Variants in PCTP observed in about 807,000 individuals in gnomAD.
The protein encoded by PCTP is phosphatidylcholine transfer protein.
PCTP carries 27 observed loss-of-function variants against 31.0 expected under a neutral mutation model. That is an observed-to-expected ratio of 0.87 (90% CI 0.64 to 1.20). The LOEUF (loss-of-function observed/expected upper bound fraction) is 1.20. PCTP is among the 50% of genes most tolerant of loss of function. The pLI, the probability that PCTP is intolerant of heterozygous loss-of-function variation, is 0.00. For synonymous variants in PCTP, 108 were observed against 101.2 expected (o/e 1.07, Z -0.40); for missense variants, 287 against 268.2 (o/e 1.07, Z -0.49).
intron 3 of PCTP, among the ~76,000 whole-genome samples, chr17:55,800,080 T>G (rs1912323934): frequency 6.6e-6 from 1 of 152,100 alleles, no homozygotes; most frequent in East Asian, 1.9e-4. Context: ...GGAGTATCTT[T>G]GCGGTGTTCT....
chr17:55,790,030 T>C (rs1911899835), intron 3 of PCTP, among the ~76,000 whole-genome samples: 1 of 152,122 alleles, frequency 6.6e-6, no homozygotes, highest in African/African-American at 2.4e-5. Context: ...ATCCAGCATA[T>C]AAACAGAACC....
At chr17:55,850,479 C>T in the PCTP span, among the ~76,000 whole-genome samples, 1 of 152,156 alleles carries the variant, frequency 6.6e-6, no homozygotes, top group Admixed American at 6.5e-5. Context: ...TGGGTTAGGA[C>T]ATTTGTATTA....
At chr17:55,783,751 C>T (rs1053645625) in intron 2 of PCTP, among the ~76,000 whole-genome samples, 8 of 152,134 alleles carry the variant, frequency 5.3e-5, no homozygotes, top group South Asian at 2.1e-4. Flanking sequence ...AGTAGGAGTT[C>T]GCCCTTCACT....
At chr17:55,769,539 A>T (rs186611185) in intron 2 of PCTP, 8 of 152,320 alleles carry the variant, frequency 5.3e-5, no homozygotes, top group African/African-American at 1.9e-4. Flanking sequence ...GACTTTAGGG[A>T]AAACAACTGC....
At position 55,776,557 on chromosome 17, in the gene PCTP, GGGGCTGCTGGAAGT is replaced by G. The variant is rs1377190848; in HGVS notation, c.*460_*473del. 1.9e-5 allele frequency: 24 copies of G among 1,231,848 alleles called. No individual in the cohort carries two copies. The highest frequency in any genetic ancestry group is 2.3e-5 in the Non-Finnish European group (23 of 988,364). The allele number at this position is 1,231,848 out of a possible 1,614,324, so 76.3% of individuals were successfully genotyped here. ...GCTTGTGATTTCTTCCAGCTTGGGA[GGGGCTGCTGGAAGT>G]GGCATTTCGTTCAGAGCTGACTTTC... On this transcript the variant is annotated 3_prime_UTR_variant, in exon 6 of 6. Transcript: ENST00000268896.
At chr17:55,825,459 G>A (rs989612), downstream of PCTP, among the ~76,000 whole-genome samples, 22,530 of 152,234 alleles carry the variant, frequency 0.15, 1,714 homozygotes, top group Middle Eastern at 0.23. Context: ...TTAACACCTG[G>A]CTGCCAGGGG....
intron 3 of PCTP, among the ~76,000 whole-genome samples, chr17:55,795,202 A>G (rs560050780): frequency 6.6e-6 from 1 of 152,114 alleles, no homozygotes; most frequent in South Asian, 2.1e-4. Context: ...TTATTTTGAA[A>G]CATGTGATGT....
At position 55,774,013 on chromosome 17, in the gene PCTP, A is replaced by T. The variant is rs1911166916; in HGVS notation, c.511+118A>T. Reference sequence around the variant, plus strand: ...ATCCCTGAAGGTCAGAGGACAGGCAAAGCTGCAGAGCAAACCAGGATCAGC... The same window carrying T: ...ATCCCTGAAGGTCAGAGGACAGGCATAGCTGCAGAGCAAACCAGGATCAGC... On this transcript the variant is annotated intron_variant, in intron 4 of 5. Transcript: ENST00000268896. The T allele has an allele frequency of 2.4e-6, 3 of 1,233,860 alleles. No homozygotes were observed. In the South Asian group the frequency reaches 4.7e-5, roughly 19 times the overall value. The allele number at this position is 1,233,860 out of a possible 1,614,324, so 76.4% of individuals were successfully genotyped here.
the PCTP span, among the ~76,000 whole-genome samples, chr17:55,849,929 T>C: frequency 6.6e-6 from 1 of 152,162 alleles, no homozygotes; most frequent in African/African-American, 2.4e-5. Context: ...ATCAATGTAA[T>C]TTGACATATT....
downstream of PCTP, among the ~76,000 whole-genome samples, chr17:55,826,549 T>C (rs531317025): frequency 2.0e-5 from 3 of 151,942 alleles, no homozygotes; most frequent in Admixed American, 2.0e-4. Context: ...AACACTGAAG[T>C]TGGTGAAAAG....
rs953661987 is a variant in PCTP, at chr17:55,773,832, A to G, written c.448A>G (p.Ile150Val). The G allele has an allele frequency of 4.3e-6, 7 of 1,613,094 alleles. No homozygotes were observed. Among genetic ancestry groups the G allele is most frequent in the Middle Eastern group, 1.6e-4 (1 of 6,074 alleles). ...TCAGCTTGGCGAGAGGTCTGGGGTGATCCGGGTGAAGCAATACAAGCAGAG... is the reference window on the plus strand; with the variant it reads ...TCAGCTTGGCGAGAGGTCTGGGGTGGTCCGGGTGAAGCAATACAAGCAGAG... ...MPQLGERSGVIRVKQYKQSLA... is the reference protein window; with the variant it reads ...MPQLGERSGVVRVKQYKQSLA... The change falls in exon 4 of 6, where the codon ATC becomes GTC. Residue 150 changes from isoleucine to valine, a missense_variant. Coordinates refer to ENST00000268896, the MANE Select transcript of PCTP (RefSeq NM_021213.4).
At chr17:55,779,069 A>T (rs1911467435), downstream of PCTP, among the ~76,000 whole-genome samples, 1 of 152,170 alleles carries the variant, frequency 6.6e-6, no homozygotes, top group Non-Finnish European at 1.5e-5. Flanking sequence ...AGCCCCATTC[A>T]GTTCTCACAT....
intron 3 of PCTP, among the ~76,000 whole-genome samples, chr17:55,788,001 C>A (rs547879043): frequency 2.0e-5 from 3 of 152,172 alleles, no homozygotes; most frequent in Non-Finnish European, 4.4e-5. Flanking sequence ...TACTCTCTCT[C>A]TATTTTTCTA....
chr17:55,775,548 A>G, intron 5 of PCTP: 1 of 1,173,650 alleles, frequency 8.5e-7, no homozygotes, highest in Non-Finnish European at 1.1e-6. Context: ...TTAAAAATGA[A>G]GATAGATGTC....
rs1360963554 is a variant in PCTP, at chr17:55,776,122, C to T, written c.*22C>T. ...CTAAGAAAGAGAACTGGGAACATTGCATCCATGGGTTGATGTCTCTGGAAG... is the reference window on the plus strand; with the variant it reads ...CTAAGAAAGAGAACTGGGAACATTGTATCCATGGGTTGATGTCTCTGGAAG... On this transcript the variant is annotated 3_prime_UTR_variant, in exon 6 of 6. Transcript: ENST00000268896. The T allele has an allele frequency of 6.2e-7, 1 of 1,613,518 alleles. No individual in the cohort carries two copies. The highest frequency in any genetic ancestry group is 1.7e-5 in the Admixed American group (1 of 59,950).
At chr17:55,813,674 C>T (rs533696604) in intron 3 of PCTP, among the ~76,000 whole-genome samples, 6 of 152,244 alleles carry the variant, frequency 3.9e-5, no homozygotes, top group African/African-American at 7.2e-5. Flanking sequence ...AGTCTTTGCT[C>T]GTGCATCATC....
intron 3 of PCTP, among the ~76,000 whole-genome samples, chr17:55,798,360 A>T (rs1309853305): frequency 6.6e-6 from 1 of 152,020 alleles, no homozygotes; most frequent in African/African-American, 2.4e-5. Context: ...AGCTTCAAAA[A>T]GTGTTACAAA....
chr17:55,798,856 A>G (rs1221374952), intron 3 of PCTP, among the ~76,000 whole-genome samples: 1 of 152,002 alleles, frequency 6.6e-6, no homozygotes, highest in African/African-American at 2.4e-5. Context: ...GTATAAAACA[A>G]CAACAGTAAT....
chr17:55,764,581 T>C (rs1231661365), intron 1 of PCTP, among the ~76,000 whole-genome samples: 2 of 152,232 alleles, frequency 1.3e-5, no homozygotes. Flanking sequence ...AAGATTCTTA[T>C]GGATTCATTT....
Sources: allele counts gnomAD v4.1 joint callset (sites outside exome capture counted in the v4.1 genomes callset), GRCh38; gene constraint gnomAD v4.1.1; transcripts MANE v1.5; gene names NCBI Gene and HGNC (gene_info 2026-07-23, HGNC 2026-07-21).